Variants in SECISBP2 observed in about 807,000 individuals in gnomAD.
SECISBP2 encodes SECIS binding protein 2.
A neutral mutation model predicts 98.2 loss-of-function variants in SECISBP2; 96 were observed. The ratio of observed to expected loss-of-function variants is 0.98; its 90% confidence interval spans 0.83 to 1.16. The LOEUF is 1.16. Among genes scored for constraint, SECISBP2 ranks in the 50% most tolerant of loss-of-function variants. SECISBP2 has a pLI of 0.00. For missense variants in SECISBP2, 1,046 were observed against 1,022.9 expected (o/e 1.02, Z -0.31); for synonymous variants, 407 against 370.2 (o/e 1.10, Z -1.14).
chr9:89,332,870 G>A, intron 5 of SECISBP2, 38 bp from the exon 6 acceptor site: 1 of 1,497,106 alleles, frequency 6.7e-7, no homozygotes, highest in Non-Finnish European at 9.3e-7. Context: ...GTTTTAATTT[G>A]CATTTCTCTG....
In SECISBP2 at chr9:89,334,592, A is replaced by T; in HGVS notation, c.951A>T (p.Lys317Asn). 6.2e-7 allele frequency: 1 copy of T among 1,614,200 alleles called. No individual in the cohort carries two copies. The change falls in exon 7 of 17, where the codon AAA becomes AAT. Residue 317 changes from lysine to asparagine, a missense_variant. By Grantham distance (94) the Lys-to-Asn change is moderately conservative. Transcript: ENST00000375807. The part of the protein sequence containing the change: ...TLSTELSAAP[K>N]NVTSMINLKT... Reference sequence around the variant, plus strand: ...CTACAGAACTGTCAGCAGCCCCTAAAAATGTTACTTCTATGATAAACTTAA... The same window carrying T: ...CTACAGAACTGTCAGCAGCCCCTAATAATGTTACTTCTATGATAAACTTAA...
Position 89,357,578 on chromosome 9 carries a change from G to C in SECISBP2, c.2268+13G>C. Reference sequence around the variant, plus strand: ...TGATGGGGCCCAGGTGAGTGCACAGGGCACAGGCCTCTTCAGTCACTGCCC... The same window carrying C: ...TGATGGGGCCCAGGTGAGTGCACAGCGCACAGGCCTCTTCAGTCACTGCCC... On this transcript the variant is annotated intron_variant, in intron 15 of 16. Coordinates refer to ENST00000375807, the MANE Select transcript of SECISBP2 (RefSeq NM_024077.5). The C allele has an allele frequency of 6.2e-7, 1 of 1,612,708 alleles. No homozygotes were observed. The highest frequency in any genetic ancestry group is 8.5e-7 in the Non-Finnish European group (1 of 1,179,914).
intron 6 of SECISBP2, among the ~76,000 whole-genome samples, chr9:89,333,529 G>A (rs970045664): frequency 6.6e-6 from 1 of 152,160 alleles, no homozygotes; most frequent in African/African-American, 2.4e-5. Context: ...ATCTGCCATG[G>A]CATTCACCTG....
At position 89,358,227 on chromosome 9, in the gene SECISBP2, G is replaced by A. The variant is rs1439699861; in HGVS notation, c.2461+36G>A. ...AAGGGAGAGTTGTGTCAGGTCGAGT[G>A]TCCTCTTATTTACTGACTTTAATTA... is the stretch of plus-strand genomic sequence containing the variant. On this transcript the variant is annotated intron_variant, in intron 16 of 16. Coordinates refer to ENST00000375807, the MANE Select transcript of SECISBP2 (RefSeq NM_024077.5). The A allele has an allele frequency of 3.8e-6, 6 of 1,586,332 alleles. No individual in the cohort carries two copies. In the South Asian group the frequency reaches 5.7e-5, roughly 15 times the overall value.
At chr9:89,347,573 G>A (rs565742900) in intron 11 of SECISBP2, among the ~76,000 whole-genome samples, 18 of 150,972 alleles carry the variant, frequency 1.2e-4, no homozygotes, top group South Asian at 4.2e-4. Context: ...CCACCTCCCG[G>A]GTTCAAGCAA....
At chr9:89,363,774 T>A, downstream of SECISBP2, 2 of 1,613,710 alleles carry the variant, frequency 1.2e-6, no homozygotes, top group South Asian at 2.2e-5. Flanking sequence ...ACCTTCGAAG[T>A]CTTGTTCCCT....
chr9:89,323,426 G>A (rs1826149199), intron 2 of SECISBP2: 2 of 152,806 alleles, frequency 1.3e-5, no homozygotes, highest in African/African-American at 2.4e-5. Flanking sequence ...TGGAGGGCAG[G>A]TGAGAGCCAG....
chr9:89,338,854 C>T (rs1031600653), intron 8 of SECISBP2, among the ~76,000 whole-genome samples: 20 of 151,250 alleles, frequency 1.3e-4, no homozygotes, highest in African/African-American at 4.9e-4. Context: ...TGCCATATTA[C>T]TAATATTTCC....
intron 6 of SECISBP2, 81 bp downstream of exon 6, chr9:89,333,067 T>C (rs1828021724): frequency 8.4e-7 from 1 of 1,195,860 alleles, no homozygotes; most frequent in Non-Finnish European, 1.2e-6. Flanking sequence ...GCAGTTGAAA[T>C]GATTTTTGTT....
At position 89,348,122 on chromosome 9, in the gene SECISBP2, A is replaced by G; in HGVS notation, c.1646A>G (p.Glu549Gly). 6.2e-7 allele frequency: 1 copy of G among 1,613,992 alleles called. No individual in the cohort carries two copies. The highest frequency in any genetic ancestry group is 1.1e-5 in the South Asian group (1 of 91,086). ...ERQERKQRLQ[E>G]NAVSPAFTSD... ...CAAGAGAGAAAGCAGCGTCTCCAAG[A>G]AAATGCTGTGAGTCCAGCTTTTACC... Residue 549 changes from glutamate to glycine, a missense_variant, in exon 12 of 17, where the codon GAA (glutamate) becomes GGA (glycine). Physicochemically the swap from Glu to Gly is moderately conservative, Grantham distance 98. Transcript: ENST00000375807.
chr9:89,334,452 T>C, intron 6 of SECISBP2, 70 bp from the exon 7 acceptor site: 2 of 1,273,826 alleles, frequency 1.6e-6, no homozygotes, highest in Admixed American at 1.7e-5. Flanking sequence ...ATGTAATGCA[T>C]GTTTGAGTAA....
downstream of SECISBP2, chr9:89,360,654 C>T (rs1445934608): frequency 6.6e-6 from 1 of 152,130 alleles, no homozygotes; most frequent in Non-Finnish European, 1.5e-5. Flanking sequence ...CCTGGTGATG[C>T]TATCATTTTC....
intron 6 of SECISBP2, among the ~76,000 whole-genome samples, chr9:89,333,609 A>G (rs1211856482): frequency 6.6e-6 from 1 of 152,086 alleles, no homozygotes; most frequent in Admixed American, 6.6e-5. Context: ...GAGAGTAGGG[A>G]AGGCAACTGA....
At position 89,347,000 on chromosome 9, in the gene SECISBP2, G is replaced by A. The variant is rs754196931; in HGVS notation, c.1554G>A (p.Gly518=). 1 of 1,614,194 alleles carries A rather than the reference G, an allele frequency of 6.2e-7. No individual in the cohort carries two copies. Residue 518 remains glycine (G), a synonymous_variant, in exon 11 of 17, where the codon GGG becomes GGA. Transcript: ENST00000375807. ...CCAGCGCCCCACTGATGAAGAAAGGGAAGCAGAGGGAGATCCCCAAGGCCA... is the reference window on the plus strand; with the variant it reads ...CCAGCGCCCCACTGATGAAGAAAGGAAAGCAGAGGGAGATCCCCAAGGCCA... The part of the protein sequence containing the change: ...LDSSAPLMKK[G]KQREIPKAKK...
intron 14 of SECISBP2, chr9:89,355,346 C>T: frequency 3.0e-6 from 3 of 985,440 alleles, no homozygotes; most frequent in South Asian, 4.7e-5. Context: ...CTGTGCCTTC[C>T]TCCAGAGACC....
At chr9:89,362,324 T>C, downstream of SECISBP2, 1 of 1,613,244 alleles carries the variant, frequency 6.2e-7, no homozygotes, top group Non-Finnish European at 8.5e-7. Context: ...GACCAGGCCT[T>C]CTCCGGGGGT....
chr9:89,341,229 A>T, intron 9 of SECISBP2, 118 bp from the exon 10 acceptor site: 1 of 1,022,492 alleles, frequency 9.8e-7, no homozygotes, highest in Non-Finnish European at 1.4e-6. Context: ...TTGAATTTTT[A>T]AAAATTCTTT....
chr9:89,328,102 A>G (rs183938350), intron 4 of SECISBP2, among the ~76,000 whole-genome samples: 147 of 152,288 alleles, frequency 9.7e-4, no homozygotes, highest in Non-Finnish European at 1.9e-3. Context: ...GCCCTGGCCA[A>G]ATTTTTCTTT....
intron 14 of SECISBP2, among the ~76,000 whole-genome samples, chr9:89,353,125 G>C (rs1160329723): frequency 6.6e-6 from 1 of 152,210 alleles, no homozygotes; most frequent in Non-Finnish European, 1.5e-5. Flanking sequence ...GCCAGCATCA[G>C]AATCACCCAG....
Sources: gnomAD v4.1 joint callset for allele counts (sites outside exome capture counted in the v4.1 genomes callset) on GRCh38, gnomAD v4.1.1 for gene constraint, MANE v1.5 for transcripts, NCBI Gene and HGNC (gene_info 2026-07-23, HGNC 2026-07-21) for gene names.